The following MYOM1 variants were observed in gnomAD, a reference collection of about 807,000 sequenced individuals.
The protein encoded by MYOM1 is myomesin-1.
A neutral mutation model predicts 205.3 loss-of-function variants in MYOM1; 164 were observed. The ratio of observed to expected loss-of-function variants is 0.80; its 90% CI spans 0.70 to 0.91. The LOEUF is 0.91. Among genes scored for constraint, MYOM1 ranks in the 40% least tolerant of loss-of-function variants. MYOM1 has a pLI of 0.00. For missense variants in MYOM1, 2,011 were observed against 2,127.3 expected (o/e 0.95, Z 1.08); for synonymous variants, 772 against 789.4 (o/e 0.98, Z 0.37).
intron 11 of MYOM1, among the ~76,000 whole-genome samples, chr18:3,154,616 T>TACACACAC (rs10625884): frequency 5.5e-5 from 8 of 145,850 alleles, no homozygotes; most frequent in African/African-American, 1.3e-4. Context: ...ACCTACTCAA[T>TACACACAC]ACACACACAC....
Position 3,073,442 on chromosome 18 carries a change from C to G in MYOM1, c.4709-1553G>C, listed in dbSNP as rs954566327. On this transcript the variant is annotated intron_variant, in intron 36 of 37. Coordinates refer to ENST00000356443, the MANE Select transcript of MYOM1 (RefSeq NM_003803.4). ...TGACTTCCCTGTCTACAATTCCCTT[C>G]TCCATTAAGTGAGGCTAAAGCTTTG... Among the ~76,000 whole-genome samples, 9 of 152,364 alleles carry G rather than the reference C, an allele frequency of 5.9e-5. No individual in the cohort carries two copies. In the South Asian group the frequency reaches 8.3e-4, roughly 14 times the overall value.
intron 21 of MYOM1, among the ~76,000 whole-genome samples, chr18:3,113,496 C>A (rs1396889583): frequency 4.3e-5 from 2 of 46,120 alleles, no homozygotes; most frequent in East Asian, 2.5e-3. Flanking sequence ...ACCAGGCTAC[C>A]TAAAAACAAT....
chr18:3,078,430 T>C (rs1168867636), intron 34 of MYOM1, among the ~76,000 whole-genome samples: 1 of 151,742 alleles, frequency 6.6e-6, no homozygotes, highest in Non-Finnish European at 1.5e-5. Context: ...TTTATTTTAT[T>C]TATTTTTTAT....
At chr18:3,175,106 TG>T (rs368647554) in intron 6 of MYOM1, among the ~76,000 whole-genome samples, 14 of 152,334 alleles carry the variant, frequency 9.2e-5, no homozygotes, top group East Asian at 7.7e-4. Context: ...CAAACACAGT[TG>T]CCCTTCTCAT....
At chr18:3,201,204 G>A (rs2081062192) in intron 2 of MYOM1, among the ~76,000 whole-genome samples, 1 of 152,090 alleles carries the variant, frequency 6.6e-6, no homozygotes, top group Non-Finnish European at 1.5e-5. Flanking sequence ...TTTGAGACCA[G>A]CCTGTCCAAC....
At chr18:3,123,599 TA>T (rs777616474) in intron 19 of MYOM1, among the ~76,000 whole-genome samples, 1 of 151,880 alleles carries the variant, frequency 6.6e-6, no homozygotes, top group East Asian at 1.9e-4. Flanking sequence ...ATCAGAATTC[TA>T]ATGGGTTTAG....
Position 3,135,908 on chromosome 18 carries a change from A to T in MYOM1, c.2026-178T>A, listed in dbSNP as rs895482746. Among the ~76,000 whole-genome samples, 4 of 152,150 alleles carry T rather than the reference A, an allele frequency of 2.6e-5. No homozygotes were observed. The highest frequency in any genetic ancestry group is 9.7e-5 in the African/African-American group (4 of 41,414). On this transcript the variant is annotated intron_variant, in intron 14 of 37. Transcript: ENST00000356443. This position sits in a 1 kb window ranked among gnomAD's most constrained non-coding sequence, Gnocchi z 4.1. ...CATCTGAAGTTCGTAGGATTCTCTA[A>T]ATCAAACTTGGCTTTTGATACGGTT...
the MYOM1 span, among the ~76,000 whole-genome samples, chr18:3,241,702 T>C: frequency 6.6e-6 from 1 of 152,302 alleles, no homozygotes; most frequent in Non-Finnish European, 1.5e-5. Flanking sequence ...CACAGAGTGA[T>C]GGATACACCG....
chr18:3,190,354 T>C (rs900239338), intron 3 of MYOM1: 10 of 152,228 alleles, frequency 6.6e-5, no homozygotes, highest in Non-Finnish European at 1.5e-4. Context: ...TACTTCAGAA[T>C]GTAAGCAAAT....
intron 26 of MYOM1, among the ~76,000 whole-genome samples, chr18:3,092,588 A>C (rs908792809): frequency 1.3e-5 from 2 of 151,982 alleles, no homozygotes; most frequent in African/African-American, 4.8e-5. Flanking sequence ...ATGTAAAGAT[A>C]AGTTTTAGTT....
At chr18:3,237,339 G>A in the MYOM1 span, among the ~76,000 whole-genome samples, 72 of 152,042 alleles carry the variant, frequency 4.7e-4, no homozygotes, top group Admixed American at 9.2e-4. Flanking sequence ...GGTGGCTCAC[G>A]CCTGTAATCC....
At chr18:3,102,719 TA>T in intron 22 of MYOM1, 89 bp from the exon 23 acceptor site, 2 of 1,388,516 alleles carry the variant, frequency 1.4e-6, no homozygotes, top group Non-Finnish European at 2.0e-6. Flanking sequence ...ACTTTAACCC[TA>T]AAGTAGGGCC....
chr18:3,225,543 G>T, the MYOM1 span, among the ~76,000 whole-genome samples: 2 of 152,296 alleles, frequency 1.3e-5, no homozygotes, highest in Non-Finnish European at 2.9e-5. Flanking sequence ...CAATACAGAG[G>T]GGGAGGAGTG....
rs765694402 is a variant in MYOM1 at position 3,155,011 on chromosome 18, T to C, written c.1579A>G (p.Ile527Val). ...ACAGCTGGCTGTTTCCAGGAGATGA[T>C]GATATAATCTTTGTTGGCCTCCAAG... ...KCLEANKDYI[I>V]ISWKQPAVDG... is the part of the protein sequence containing the mutation. The change falls in exon 11 of 38, where the codon ATC (isoleucine) becomes GTC (valine). Residue 527 changes from isoleucine (I) to valine (V), a missense_variant. Physicochemically the swap from Ile to Val is conservative, Grantham distance 29. Coordinates refer to ENST00000356443, the MANE Select transcript of MYOM1 (RefSeq NM_003803.4). 18 of 1,613,352 alleles carry C rather than the reference T, an allele frequency of 1.1e-5. 1 individual carries two copies. The South Asian group carries it at 1.4e-4, about 13-fold the overall frequency.
intron 18 of MYOM1, among the ~76,000 whole-genome samples, chr18:3,127,305 A>ATATTTTTTTTTTTTT (rs56880961): frequency 4.2e-5 from 2 of 47,580 alleles, no homozygotes; most frequent in African/African-American, 9.2e-5. Context: ...ATATATATAT[A>ATATTTTTTTTTTTTT]TTTTTTTTTT....
chr18:3,183,627 A>C (rs1248246505), intron 5 of MYOM1, among the ~76,000 whole-genome samples: 1 of 152,104 alleles, frequency 6.6e-6, no homozygotes. Context: ...TGATTATATG[A>C]AGCATCATCA....
intron 30 of MYOM1, among the ~76,000 whole-genome samples, chr18:3,085,662 A>G (rs1241968206): frequency 8.5e-5 from 13 of 152,186 alleles, no homozygotes; most frequent in Admixed American, 7.2e-4. Context: ...TTATAGTGAT[A>G]TATTTAAATG....
upstream of MYOM1, among the ~76,000 whole-genome samples, chr18:3,224,189 C>T (rs755142689): frequency 3.9e-5 from 6 of 152,064 alleles, no homozygotes; most frequent in South Asian, 2.1e-4. Context: ...CCTTGTCACC[C>T]GGCTAATTTT....
chr18:3,146,607 G>T (rs1407004554), intron 13 of MYOM1, among the ~76,000 whole-genome samples: 1 of 152,002 alleles, frequency 6.6e-6, no homozygotes, highest in Non-Finnish European at 1.5e-5. Flanking sequence ...AGGAGTAGAA[G>T]AAATTTTCCT....
Sources: gnomAD v4.1 joint callset for allele counts (sites outside exome capture counted in the v4.1 genomes callset) on GRCh38, gnomAD v4.1.1 for gene constraint, Gnocchi (gnomAD v3.1) non-coding constraint, MANE v1.5 for transcripts, NCBI Gene and HGNC (gene_info 2026-07-23, HGNC 2026-07-21) for gene names.